SIMC1: variants seen among roughly 807,000 people sequenced by gnomAD.
The protein encoded by SIMC1 is SUMO interacting motifs containing 1.
A neutral mutation model predicts 82.3 loss-of-function variants in SIMC1; 55 were observed. The ratio of observed to expected loss-of-function variants is 0.67; its 90% CI spans 0.54 to 0.84. The LOEUF (loss-of-function observed/expected upper bound fraction) is 0.84. SIMC1 is among the 40% of genes least tolerant of loss of function. The pLI is 0.00. For missense variants in SIMC1, 915 were observed against 1,107.2 expected, an observed-to-expected ratio of 0.83 and a Z score of 2.46; for synonymous variants, 353 against 426.3, an observed-to-expected ratio of 0.83 and a Z score of 2.12.
chr5:176,304,914 C>CAGCT (rs1764229625), intron 4 of SIMC1, among the ~76,000 whole-genome samples: 1 of 138,296 alleles, frequency 7.2e-6, no homozygotes, highest in African/African-American at 2.7e-5. Flanking sequence ...TCTGCCCGGC[C>CAGCT]GCCCCGTCTG....
At chr5:176,308,361 G>C in intron 4 of SIMC1, 1 of 1,553,540 alleles carries the variant, frequency 6.4e-7, no homozygotes, top group Non-Finnish European at 8.9e-7. Flanking sequence ...GCTGTCTGCA[G>C]CTTCAACAGA....
chr5:176,310,478 C>G (rs897699718), intron 4 of SIMC1, among the ~76,000 whole-genome samples: 1 of 152,196 alleles, frequency 6.6e-6, no homozygotes, highest in African/African-American at 2.4e-5. Context: ...TGAAAAGGAA[C>G]TAACTGTTGG....
intron 1 of SIMC1, among the ~76,000 whole-genome samples, chr5:176,271,261 G>T (rs1762412344): frequency 1.3e-5 from 2 of 152,170 alleles, no homozygotes; most frequent in Admixed American, 1.3e-4. Flanking sequence ...TCAGGAGGCT[G>T]AGGCCTGAGA....
chr5:176,303,480 C>T (rs1359332078), intron 4 of SIMC1, among the ~76,000 whole-genome samples: 4 of 152,032 alleles, frequency 2.6e-5, no homozygotes, highest in African/African-American at 9.7e-5. Context: ...CGCCACCATG[C>T]CCGGCTAATT....
rs1289825544 is a variant in SIMC1 at position 176,276,944 on chromosome 5, G to A, written c.130-12710G>A. Among the ~76,000 whole-genome samples, 4 of 150,736 alleles carry A rather than the reference G, an allele frequency of 2.7e-5. No individual in the cohort carries two copies. The South Asian group carries it at 6.3e-4, about 24-fold the overall frequency. The stretch of plus-strand genomic sequence containing the variant: ...TGTCTTTATAGCAGCATGATTTATA[G>A]TCCTTTGGGTATATACCCAGTAATG... On this transcript the variant is annotated intron_variant, in intron 1 of 9. Transcript: ENST00000429602.
At position 176,345,515 on chromosome 5, in the gene SIMC1, A is replaced by G; in HGVS notation, c.*70A>G. ...TCTCCAACTGCTCAGAAGCTCTAAA[A>G]GCATGAAAAGTGGTTAAAATCTTAC... On this transcript the variant is annotated 3_prime_UTR_variant, in exon 10 of 10. Coordinates refer to ENST00000429602, the MANE Select transcript of SIMC1 (RefSeq NM_001308195.2). The G allele has an allele frequency of 6.6e-7, 1 of 1,508,398 alleles. No homozygotes were observed. Among genetic ancestry groups the G allele is most frequent in the Non-Finnish European group, 8.9e-7 (1 of 1,127,842 alleles). The allele number at this position is 1,508,398 out of a possible 1,614,324, so 93.4% of individuals were successfully genotyped here. A position where few individuals can be genotyped will look rare whatever the true frequency, so the allele number is the denominator to read the frequency against.
chr5:176,249,496 C>A (rs1173457428), intron 1 of SIMC1, among the ~76,000 whole-genome samples: 1 of 151,730 alleles, frequency 6.6e-6, no homozygotes, highest in Non-Finnish European at 1.5e-5. Flanking sequence ...TCTCTCTTTT[C>A]TTCTTTATTA....
intron 4 of SIMC1, chr5:176,308,598 C>T: frequency 6.3e-7 from 1 of 1,583,182 alleles, no homozygotes; most frequent in Non-Finnish European, 8.7e-7. Context: ...CATACAGGCC[C>T]AAAAGAGTTC....
At chr5:176,286,433 A>T (rs201346105) in intron 1 of SIMC1, among the ~76,000 whole-genome samples, 611 of 88,338 alleles carry the variant, frequency 6.9e-3, no homozygotes, top group Admixed American at 0.014. Flanking sequence ...TGACCAGCCA[A>T]ATGTAGAAAG....
At chr5:176,276,057 C>T (rs1419152693) in intron 1 of SIMC1, among the ~76,000 whole-genome samples, 1 of 151,596 alleles carries the variant, frequency 6.6e-6, no homozygotes, top group African/African-American at 2.4e-5. Flanking sequence ...GTACCAGTTC[C>T]TCCTTGTACC....
At chr5:176,333,676 C>A (rs140603293) in intron 7 of SIMC1, among the ~76,000 whole-genome samples, 3 of 152,196 alleles carry the variant, frequency 2.0e-5, no homozygotes, top group South Asian at 2.1e-4. Context: ...TTGATTCCCC[C>A]ACCTGGGCCT....
At chr5:176,339,004 G>C (rs535513310) in intron 9 of SIMC1, among the ~76,000 whole-genome samples, 1 of 152,078 alleles carries the variant, frequency 6.6e-6, no homozygotes, top group African/African-American at 2.4e-5. Flanking sequence ...GTCTTCCTGC[G>C]TCCCTGGGCA....
rs1763453482 is a variant in SIMC1, at chr5:176,289,651, C to A, written c.130-3C>A. On this transcript the variant is annotated splice_polypyrimidine_tract_variant and splice_region_variant and intron_variant, in intron 1 of 9. Transcript: ENST00000429602. Reference sequence around the variant, plus strand: ...CTCTTTTCTTCACACAATCCTTCAACAGGACTTCATTGACTTAACTAGAGA... The same window carrying A: ...CTCTTTTCTTCACACAATCCTTCAAAAGGACTTCATTGACTTAACTAGAGA... 1.9e-6 allele frequency: 3 copies of A among 1,579,014 alleles called. No homozygotes were observed.
At chr5:176,304,077 T>G (rs1349796645) in intron 4 of SIMC1, among the ~76,000 whole-genome samples, 3 of 152,300 alleles carry the variant, frequency 2.0e-5, no homozygotes, top group Non-Finnish European at 2.9e-5. Context: ...CTTCAGAACT[T>G]CTGTGCATCA....
rs7736390 is a variant in SIMC1 at position 176,264,919 on chromosome 5, A to C, written c.130-24735A>C. Among the ~76,000 whole-genome samples, 7 of 152,222 alleles carry C rather than the reference A, an allele frequency of 4.6e-5. No individual in the cohort carries two copies. In the South Asian group the frequency reaches 1.0e-3, roughly 23 times the overall value. ...CATGGTGGCTCATACCTATAATCCC[A>C]GCACTTTGGGAGGCCAAGGAGGGAA... On this transcript the variant is annotated intron_variant, in intron 1 of 9. Coordinates refer to ENST00000429602, the MANE Select transcript of SIMC1 (RefSeq NM_001308195.2).
intron 1 of SIMC1, among the ~76,000 whole-genome samples, chr5:176,288,100 G>A (rs550781265): frequency 1.1e-4 from 16 of 152,256 alleles, no homozygotes; most frequent in African/African-American, 2.9e-4. Context: ...GATCCACCGC[G>A]CCTAGCCGGT....
At chr5:176,272,834 T>C (rs1355524294) in intron 1 of SIMC1, among the ~76,000 whole-genome samples, 1 of 152,200 alleles carries the variant, frequency 6.6e-6, no homozygotes, top group Non-Finnish European at 1.5e-5. Flanking sequence ...GCCTCGTTCA[T>C]TGCTAGCACA....
intron 1 of SIMC1, among the ~76,000 whole-genome samples, chr5:176,252,946 T>G (rs931115597): frequency 6.6e-6 from 1 of 152,216 alleles, no homozygotes. Flanking sequence ...GAGACCAGCC[T>G]GGCCCACGCT....
At chr5:176,312,759 A>C (rs1307083411) in intron 4 of SIMC1, among the ~76,000 whole-genome samples, 1 of 152,150 alleles carries the variant, frequency 6.6e-6, no homozygotes, top group East Asian at 1.9e-4. Flanking sequence ...CTGAGAAAAT[A>C]TACCTATTCT....
Sources: gnomAD v4.1 joint callset for allele counts (sites outside exome capture counted in the v4.1 genomes callset) on GRCh38, gnomAD v4.1.1 for gene constraint, MANE v1.5 for transcripts, NCBI Gene and HGNC (gene_info 2026-07-23, HGNC 2026-07-21) for gene names.